The following PKD1 variants were observed in gnomAD, a reference collection of about 807,000 sequenced individuals.
PKD1 encodes the protein polycystin 1, transient receptor potential channel interacting.
In PKD1, 81 loss-of-function variants were observed where a neutral mutation model predicts 361.7. The observed-to-expected ratio is 0.22, with a 90% confidence interval of 0.19 to 0.27. PKD1 has a LOEUF of 0.27. PKD1 is among the 10% of genes least tolerant of loss of function. The pLI is 1.00. For missense variants in PKD1, 6,399 were observed against 6,118.3 expected, an observed-to-expected ratio of 1.05 and a Z score of -1.53; for synonymous variants, 3,615 against 2,818.3, an observed-to-expected ratio of 1.28 and a Z score of -8.95.
Position 2,097,258 on chromosome 16 carries a change from C to T in PKD1, c.10406-17G>A, listed in dbSNP as rs892440417. The T allele has an allele frequency of 1.3e-6, 2 of 1,599,086 alleles. No individual in the cohort carries two copies. The highest frequency in any genetic ancestry group is 1.7e-6 in the Non-Finnish European group (2 of 1,173,110). On this transcript the variant is annotated splice_polypyrimidine_tract_variant and intron_variant, in intron 33 of 45. Coordinates refer to ENST00000262304, the MANE Select transcript of PKD1 (RefSeq NM_001009944.3). ...GGTCTTCATCTAGAGGTACAGGAGG[C>T]ATAGGGTGGGCCCAGCTGCAAGGGT...
In PKD1 at chr16:2,091,442, G is replaced by A; in HGVS notation, c.11693C>T (p.Ser3898Leu). The A allele has an allele frequency of 8.4e-7, 1 of 1,196,732 alleles. No homozygotes were observed. Among genetic ancestry groups the A allele is most frequent in the Non-Finnish European group, 1.0e-6 (1 of 963,342 alleles). 74.1% of individuals were successfully genotyped at this position (1,196,732 alleles called of 1,614,324 possible). A position where few individuals can be genotyped will look rare whatever the true frequency, so the allele number is the denominator to read the frequency against. The change falls in exon 42 of 46, where the codon TCG becomes TTG. Residue 3898 changes from serine (S) to leucine (L), a missense_variant. Ser to Leu is a moderately radical substitution (Grantham distance 145). Transcript: ENST00000262304. ...FALRRLSAGL[S>L]LPLLTSVCLL... Reference sequence around the variant, plus strand: ...GCGTACCGAGGTGAGCAGAGGCAGCGAGAGGCCCGCGCTGAGGCGGCGCAG... The same window carrying A: ...GCGTACCGAGGTGAGCAGAGGCAGCAAGAGGCCCGCGCTGAGGCGGCGCAG...
In PKD1 at chr16:2,109,159, G is replaced by A; in HGVS notation, c.6008C>T (p.Ala2003Val). 6.2e-7 allele frequency: 1 copy of A among 1,601,428 alleles called. No homozygotes were observed. Among genetic ancestry groups the A allele is most frequent in the Non-Finnish European group, 8.5e-7 (1 of 1,173,806 alleles). Residue 2003 changes from alanine to valine, a missense_variant, in exon 15 of 46, where the codon GCC becomes GTC. By Grantham distance (64) the Ala-to-Val change is moderately conservative. Coordinates refer to ENST00000262304, the MANE Select transcript of PKD1 (RefSeq NM_001009944.3). ...TARVQRGSRV[A>V]YAWYFSLQKV... ...CTGCAGCGAGAAGTACCAGGCGTAG[G>A]CGACCCGAGAGCCGCGCTGCACGCG...
intron 16 of PKD1, 58 bp from the exon 17 acceptor site, chr16:2,107,006 G>A (rs541220081): frequency 2.6e-6 from 4 of 1,534,644 alleles, no homozygotes; most frequent in African/African-American, 1.4e-5. Flanking sequence ...TGGAAGGACT[G>A]GGGGACCCAT....
chr16:2,097,143 C>G lies in PKD1; in HGVS notation c.10499+5G>C. On this transcript the variant is annotated splice_donor_5th_base_variant and intron_variant, in intron 34 of 45. Transcript: ENST00000262304. The stretch of plus-strand genomic sequence containing the variant: ...TCCCCCCTCCCCCGAGAGCCGGACA[C>G]TCACAGGCTGCTGAGCAGGTCCGTT... 2 of 1,548,810 alleles carry G rather than the reference C, an allele frequency of 1.3e-6. No individual in the cohort carries two copies. Among genetic ancestry groups the G allele is most frequent in the Middle Eastern group, 1.7e-4 (1 of 5,826 alleles).
At chr16:2,105,227 C>T (rs1388790068) in intron 21 of PKD1, 95 bp downstream of exon 21, 68 of 1,243,098 alleles carry the variant, frequency 5.5e-5, no homozygotes, top group Non-Finnish European at 7.6e-5. Context: ...GCTGGAGGCT[C>T]AGCTCCTCGG....
In PKD1 at chr16:2,111,374, G is replaced by C; in HGVS notation, c.3793C>G (p.Leu1265Val). Residue 1265 changes from leucine (L) to valine (V), a missense_variant, in exon 15 of 46, where the codon CTG becomes GTG. Transcript: ENST00000262304. ...GPEATVEHVY[L>V]RAQNCTVTVG... The stretch of plus-strand genomic sequence containing the variant: ...GTCACTGTGCAGTTCTGTGCCCGCA[G>C]GTACACATGCTCCACTGTTGCCTCC... 1 of 1,611,156 alleles carries C rather than the reference G, an allele frequency of 6.2e-7. No homozygotes were observed. Among genetic ancestry groups the C allele is most frequent in the Non-Finnish European group, 8.5e-7 (1 of 1,179,508 alleles).
In PKD1 at chr16:2,092,121, G is replaced by C. The variant is rs116835405; in HGVS notation, c.11337C>G (p.Ser3779Arg). The C allele has an allele frequency of 5.4e-4, 870 of 1,612,838 alleles. 5 individuals carry two copies. The African/African-American group carries it at 0.01, about 19-fold the overall frequency. ...TCSAAGGFSTSDYDVGWESPH... is the reference protein window; with the variant it reads ...TCSAAGGFSTRDYDVGWESPH... ...GACTCTCCCAGCCAACGTCGTAATC[G>C]CTGGTGCTGAAGCCTCCTGCGGCCG... The change falls in exon 40 of 46, where the codon AGC becomes AGG. Residue 3779 changes from serine (S) to arginine (R), a missense_variant. Physicochemically the swap from Ser to Arg is moderately radical, Grantham distance 110. Coordinates refer to ENST00000262304, the MANE Select transcript of PKD1 (RefSeq NM_001009944.3).
intron 38 of PKD1, 23 bp downstream of exon 38, chr16:2,092,931 A>G (rs895201704): frequency 6.2e-7 from 1 of 1,612,754 alleles, no homozygotes; most frequent in Non-Finnish European, 8.5e-7. Flanking sequence ...CAGAAGACAG[A>G]CCAGTGCACC....
chr16:2,103,142 C>T (rs1246247338), intron 23 of PKD1, 124 bp downstream of exon 23: 28 of 1,318,444 alleles, frequency 2.1e-5, no homozygotes, highest in Non-Finnish European at 2.7e-5. Flanking sequence ...TCTGGCCAGG[C>T]CCCCAGCAGC....
In PKD1 at chr16:2,100,507, G is replaced by T. The variant is rs747332663; in HGVS notation, c.9457C>A (p.His3153Asn). The change falls in exon 27 of 46, where the codon CAC becomes AAC. Residue 3153 changes from histidine to asparagine, a missense_variant. Transcript: ENST00000262304. The surrounding 1 kb of genome is among the most constrained non-coding windows in gnomAD (Gnocchi z 4.4). ...TGGAAGGCTCTGTCGCCGTCCAGGTGCCGGTGGCCGCTCCGGCTGTCCACC... is the reference window on the plus strand; with the variant it reads ...TGGAAGGCTCTGTCGCCGTCCAGGTTCCGGTGGCCGCTCCGGCTGTCCACC... ...YGVDSRSGHRHLDGDRAFHRN... is the reference protein window; with the variant it reads ...YGVDSRSGHRNLDGDRAFHRN... The T allele has an allele frequency of 3.7e-6, 6 of 1,610,616 alleles. No homozygotes were observed. The highest frequency in any genetic ancestry group is 5.1e-6 in the Non-Finnish European group (6 of 1,179,598).
chr16:2,092,596 C>A lies in PKD1; in HGVS notation c.11157-4G>T. On this transcript the variant is annotated splice_polypyrimidine_tract_variant and splice_region_variant and intron_variant, in intron 38 of 45. Transcript: ENST00000262304. ...CCATGGCCAGAGCTCCTCAGACCTG[C>A]CACAGCATCAGTCACACGCTCCAGC... 1 of 1,596,738 alleles carries A rather than the reference C, an allele frequency of 6.3e-7. No individual in the cohort carries two copies. The highest frequency in any genetic ancestry group is 2.2e-5 in the East Asian group (1 of 44,724).
In PKD1 at chr16:2,108,750, C is replaced by T; in HGVS notation, c.6417G>A (p.Val2139=). The change falls in exon 15 of 46, where the codon GTG becomes GTA. Residue 2139 remains valine, a synonymous_variant. Transcript: ENST00000262304. ...LVSFFVAQAT[V]TVQVLACREP... The stretch of plus-strand genomic sequence containing the variant: ...CCCGGCAGGCCAGCACCTGGACGGT[C>T]ACCGTGGCCTGCGCCACGAAGAAGC... 1 of 1,571,040 alleles carries T rather than the reference C, an allele frequency of 6.4e-7. No homozygotes were observed. The highest frequency in any genetic ancestry group is 1.4e-5 in the African/African-American group (1 of 73,986).
In PKD1 at chr16:2,091,116, C is replaced by T. The variant is rs866720979; in HGVS notation, c.11771G>A (p.Arg3924Lys). 6.7e-7 allele frequency: 1 copy of T among 1,492,966 alleles called. No individual in the cohort carries two copies. The highest frequency in any genetic ancestry group is 8.9e-7 in the Non-Finnish European group (1 of 1,127,786). The allele number at this position is 1,492,966 out of a possible 1,614,324, so 92.5% of individuals were successfully genotyped here. A position where few individuals can be genotyped will look rare whatever the true frequency, so the allele number is the denominator to read the frequency against. ...FAVAEARTWH[R>K]EGRWRVLRLG... ...CCGCAGCACGCGCCAGCGCCCTTCC[C>T]TGTGCCAAGTACGGGCCTCGGCCAC... The change falls in exon 43 of 46, where the codon AGG (arginine) becomes AAG (lysine). Residue 3924 changes from arginine to lysine, a missense_variant. Arg to Lys is a conservative substitution (Grantham distance 26). Coordinates refer to ENST00000262304, the MANE Select transcript of PKD1 (RefSeq NM_001009944.3).
chr16:2,088,889 A>G lies in PKD1; in HGVS notation c.*838T>C, dbSNP rs1012223154. 7.2e-5 allele frequency: 33 copies of G among 455,656 alleles called. No individual in the cohort carries two copies. The highest frequency in any genetic ancestry group is 1.2e-3 in the Middle Eastern group (2 of 1,640). 28.2% of individuals were successfully genotyped at this position (455,656 alleles called of 1,614,324 possible). ...CTCGCGCGTGCGCGCGCGCACACAC[A>G]CACACACACAGTCACCTTCCTCCAC... On this transcript the variant is annotated 3_prime_UTR_variant, in exon 46 of 46. Coordinates refer to ENST00000262304, the MANE Select transcript of PKD1 (RefSeq NM_001009944.3).
In PKD1 at chr16:2,097,965, G is replaced by C; in HGVS notation, c.10070C>G (p.Pro3357Arg). The change falls in exon 31 of 46, where the codon CCC becomes CGC. Residue 3357 changes from proline to arginine, a missense_variant. Transcript: ENST00000262304. ...CAGCACCTGCTGCCCGGCAGGTGTGGGGCTCGGGCTCCCAGCCACCTGCAG... is the reference window on the plus strand; with the variant it reads ...CAGCACCTGCTGCCCGGCAGGTGTGCGGCTCGGGCTCCCAGCCACCTGCAG... Reference protein sequence around the residue: ...SRSKVAGSPSPTPAGQQVLDI... With the variant: ...SRSKVAGSPSRTPAGQQVLDI... The C allele has an allele frequency of 6.3e-7, 1 of 1,591,042 alleles. No homozygotes were observed. The highest frequency in any genetic ancestry group is 8.6e-7 in the Non-Finnish European group (1 of 1,164,394).
rs762713883 is a variant in PKD1 at position 2,100,218 on chromosome 16, C to T, written c.9660G>A (p.Ser3220=). The T allele has an allele frequency of 9.9e-6, 16 of 1,610,310 alleles. No individual in the cohort carries two copies. Among genetic ancestry groups the T allele is most frequent in the South Asian group, 5.5e-5 (5 of 91,000 alleles). The change falls in exon 28 of 46, where the codon TCG becomes TCA. Residue 3220 remains serine, a synonymous_variant. Transcript: ENST00000262304. The surrounding 1 kb of genome is among the most constrained non-coding windows in gnomAD (Gnocchi z 4.4). ...SAFFLVNDWL[S]VETEANGGLV... ...GGCCCCCGTTGGCCTCCGTCTCCAC[C>T]GAAAGCCAGTCATTGACCAGGAAGA...
Position 2,089,861 on chromosome 16 carries a change from G to C in PKD1, c.12778C>G (p.Arg4260Gly). 6.2e-7 allele frequency: 1 copy of C among 1,609,174 alleles called. No homozygotes were observed. The highest frequency in any genetic ancestry group is 8.5e-7 in the Non-Finnish European group (1 of 1,178,626). Residue 4260 changes from arginine to glycine, a missense_variant, in exon 46 of 46, where the codon CGT becomes GGT. Physicochemically the swap from Arg to Gly is moderately radical, Grantham distance 125. Transcript: ENST00000262304. ...GGCCGCAGGCCCGGGGATGGGCCAC[G>C]GGAAGATCCGGCGGGCGCCCGGCTG... is the stretch of plus-strand genomic sequence containing the variant. The part of the protein sequence containing the change: ...RSSRAPAGSS[R>G]GPSPGLRPAL...
intron 34 of PKD1, chr16:2,094,922 G>C (rs1262512424): frequency 6.6e-6 from 1 of 152,488 alleles, no homozygotes; most frequent in Non-Finnish European, 1.5e-5. Context: ...CGAAAGAACG[G>C]CCTGACCCAG....
chr16:2,105,549 T>C (rs1596537435), intron 20 of PKD1, 75 bp from the exon 21 acceptor site: 1 of 1,594,944 alleles, frequency 6.3e-7, no homozygotes, highest in Non-Finnish European at 8.5e-7. Context: ...TGCCCACGAC[T>C]CCCGGGGTGC....
Sources: allele counts gnomAD v4.1 joint callset, GRCh38; gene constraint gnomAD v4.1.1; non-coding constraint Gnocchi (gnomAD v3.1); transcripts MANE v1.5; gene names NCBI Gene and HGNC (gene_info 2026-07-23, HGNC 2026-07-21).